The following GABRA3 variants were observed in gnomAD, a reference collection of about 807,000 sequenced individuals.
GABRA3 encodes gamma-aminobutyric acid type A receptor subunit alpha3.
A neutral mutation model predicts 30.1 loss-of-function variants in GABRA3; 10 were observed. The ratio of observed to expected loss-of-function variants is 0.33; its 90% confidence interval spans 0.20 to 0.56. GABRA3 has a LOEUF of 0.56. Ranked by LOEUF, GABRA3 falls within the 20% of genes least tolerant of loss-of-function variation. The probability of loss-of-function intolerance (pLI) is 0.89; values close to 1 mark genes in which losing one functional copy is unlikely to be tolerated. For missense variants in GABRA3, 233 were observed against 392.0 expected (o/e 0.59, Z 3.42); for synonymous variants, 151 against 146.8 (o/e 1.03, Z -0.21).
intron 4 of GABRA3, among the ~76,000 whole-genome samples, chrX:152,270,445 T>C (rs147537755): frequency 1.4e-3 from 159 of 111,726 alleles, no homozygotes; most frequent in African/African-American, 5.0e-3. Context: ...AACGGACTAA[T>C]ACAGTACCTT....
intron 7 of GABRA3, among the ~76,000 whole-genome samples, chrX:152,199,388 A>G (rs1297212499): frequency 9.2e-6 from 1 of 109,158 alleles, no homozygotes; most frequent in African/African-American, 3.3e-5. Context: ...TAAAAAAAGC[A>G]AAAAACAAGC....
At chrX:152,237,410 A>G (rs1266190942) in intron 5 of GABRA3, among the ~76,000 whole-genome samples, 1 of 99,256 alleles carries the variant, frequency 1.0e-5, no homozygotes, top group Non-Finnish European at 2.0e-5. Flanking sequence ...CTTGTAGTAT[A>G]GTTTGAAGTC....
intron 1 of GABRA3, among the ~76,000 whole-genome samples, chrX:152,442,359 A>C (rs1158046864): frequency 9.0e-6 from 1 of 111,263 alleles, no homozygotes; most frequent in Non-Finnish European, 1.9e-5. Context: ...AGATTCTCTG[A>C]GTTTCCCTTA....
At chrX:152,399,852 A>G (rs1334771121) in intron 1 of GABRA3, among the ~76,000 whole-genome samples, 1 of 111,721 alleles carries the variant, frequency 9.0e-6, no homozygotes, top group Non-Finnish European at 1.9e-5. Context: ...CTCTACAGGA[A>G]TAGCTTTGAA....
At chrX:152,445,617 A>G (rs985131863) in intron 1 of GABRA3, among the ~76,000 whole-genome samples, 2 of 111,767 alleles carry the variant, frequency 1.8e-5, no homozygotes, top group African/African-American at 6.5e-5. Flanking sequence ...TGCTTATAGA[A>G]GTGACCAAAC....
At chrX:152,207,192 A>G (rs1937558541) in intron 7 of GABRA3, among the ~76,000 whole-genome samples, 1 of 111,937 alleles carries the variant, frequency 8.9e-6, no homozygotes, top group African/African-American at 3.3e-5. Flanking sequence ...TGTCTAGATA[A>G]TGAGATAAAA....
At chrX:152,365,439 G>A (rs181702111) in intron 1 of GABRA3, among the ~76,000 whole-genome samples, 4 of 111,296 alleles carry the variant, frequency 3.6e-5, no homozygotes, top group Admixed American at 9.6e-5. Flanking sequence ...CTATAAGGAA[G>A]GCTGTTTTAT....
chrX:152,418,614 TAGAATAA>T (rs1219247276), intron 1 of GABRA3, among the ~76,000 whole-genome samples: 9 of 110,954 alleles, frequency 8.1e-5, no homozygotes, highest in African/African-American at 2.9e-4. Flanking sequence ...TCTAAAATAG[TAGAATAA>T]AAGCAAGTTA....
At chrX:152,237,309 T>TGTGCAGC in intron 5 of GABRA3, among the ~76,000 whole-genome samples, 1 of 109,285 alleles carries the variant, frequency 9.2e-6, no homozygotes, top group Admixed American at 9.9e-5. Context: ...TAGTTGTAGA[T>TGTGCAGC]ATGTGGTGTT....
intron 6 of GABRA3, among the ~76,000 whole-genome samples, chrX:152,214,427 T>C (rs1443149168): frequency 9.0e-6 from 1 of 111,463 alleles, no homozygotes; most frequent in African/African-American, 3.3e-5. Context: ...TTATGTTCCA[T>C]TGTTCTGTGT....
chrX:152,341,564 T>TTTG (rs1940313308), intron 3 of GABRA3, among the ~76,000 whole-genome samples: 1 of 101,844 alleles, frequency 9.8e-6, no homozygotes. Context: ...TTTTTTTTTT[T>TTTG]GAGTCTTGCT....
chrX:152,210,965 G>A (rs894008080), intron 6 of GABRA3, among the ~76,000 whole-genome samples: 9 of 111,227 alleles, frequency 8.1e-5, no homozygotes, highest in African/African-American at 2.3e-4. Context: ...CACGGTCTGC[G>A]AAATGTGATT....
At chrX:152,241,530 C>T (rs1938370621) in intron 5 of GABRA3, among the ~76,000 whole-genome samples, 1 of 107,981 alleles carries the variant, frequency 9.3e-6, no homozygotes, top group African/African-American at 3.3e-5. Flanking sequence ...TGGTGGGCTC[C>T]ACCCAGTTCG....
At chrX:152,219,892 C>A (rs1937799801) in intron 6 of GABRA3, among the ~76,000 whole-genome samples, 1 of 110,914 alleles carries the variant, frequency 9.0e-6, no homozygotes, top group African/African-American at 3.3e-5. Flanking sequence ...GTTTAAGAAG[C>A]AAAATCAATC....
chrX:152,324,676 G>A (rs911951261), intron 3 of GABRA3, among the ~76,000 whole-genome samples: 5 of 111,518 alleles, frequency 4.5e-5, no homozygotes, highest in African/African-American at 1.3e-4. Context: ...AGACATAGAA[G>A]ACATGATTCA....
chrX:152,267,591 AT>A (rs1486684519), intron 4 of GABRA3, among the ~76,000 whole-genome samples: 1 of 111,004 alleles, frequency 9.0e-6, no homozygotes, highest in Non-Finnish European at 1.9e-5. Context: ...GGTATTATTA[AT>A]TTTTTAAATG....
chrX:152,199,343 G>A (rs1458006441), intron 7 of GABRA3, among the ~76,000 whole-genome samples: 1 of 104,158 alleles, frequency 9.6e-6, no homozygotes, highest in Non-Finnish European at 2.0e-5. Flanking sequence ...TCCAGCCTGG[G>A]CAACAGGCGA....
chrX:152,256,053 T>C lies in GABRA3; in HGVS notation c.331-55A>G, dbSNP rs910383401. The C allele has an allele frequency of 9.1e-5, 79 of 863,951 alleles. No homozygotes were observed. In the African/African-American group the frequency reaches 1.5e-3, roughly 17 times the overall value. The allele number at this position is 863,951 out of a possible 1,213,427, so 71.2% of individuals were successfully genotyped here. ...TCAGTTGAGTTCTGGTAAGGGCTCA[T>C]AGTGCCCTTAGCAAATATTAATTAC... On this transcript the variant is annotated intron_variant, in intron 4 of 9. Coordinates refer to ENST00000370314, the MANE Select transcript of GABRA3 (RefSeq NM_000808.4).
At chrX:152,263,449 G>A (rs1276230252) in intron 4 of GABRA3, among the ~76,000 whole-genome samples, 1 of 110,078 alleles carries the variant, frequency 9.1e-6, no homozygotes, top group Non-Finnish European at 1.9e-5. Flanking sequence ...ATGCATCAGA[G>A]TCTTTTAATA....
Sources: gnomAD v4.1 joint callset for allele counts (sites outside exome capture counted in the v4.1 genomes callset) on GRCh38, gnomAD v4.1.1 for gene constraint, MANE v1.5 for transcripts, NCBI Gene and HGNC (gene_info 2026-07-23, HGNC 2026-07-21) for gene names.